MYO18B: variants seen among roughly 807,000 people sequenced by gnomAD.
MYO18B encodes unconventional myosin-XVIIIb.
MYO18B carries 204 observed loss-of-function variants against 273.0 expected under a neutral mutation model. The ratio of observed to expected loss-of-function variants is 0.75; its 90% CI spans 0.67 to 0.84. The LOEUF (loss-of-function observed/expected upper bound fraction) is 0.84, where lower values mean the gene tolerates loss of function less well. Among genes scored for constraint, MYO18B ranks in the 40% least tolerant of loss-of-function variants. The pLI is 0.00. For synonymous variants in MYO18B, 1,330 were observed against 1,305.7 expected, an observed-to-expected ratio of 1.02 and a Z score of -0.40; for missense variants, 3,212 against 3,287.6, an observed-to-expected ratio of 0.98 and a Z score of 0.56.
chr22:25,985,653 G>T (rs2093194160), intron 39 of MYO18B, among the ~76,000 whole-genome samples: 1 of 126,570 alleles, frequency 7.9e-6, no homozygotes, highest in African/African-American at 2.9e-5. Flanking sequence ...TTTTTGAGAT[G>T]GAGTCTCGCT....
chr22:25,770,823 C>T (rs773356067), intron 5 of MYO18B, 49 bp from the exon 6 acceptor site: 6 of 1,370,922 alleles, frequency 4.4e-6, no homozygotes, highest in Non-Finnish European at 6.1e-6. Flanking sequence ...CCCCTCTTCC[C>T]CTCCCATCTC....
chr22:25,956,404 C>T (rs1352760683), intron 39 of MYO18B, among the ~76,000 whole-genome samples: 1 of 152,054 alleles, frequency 6.6e-6, no homozygotes, highest in Non-Finnish European at 1.5e-5. Flanking sequence ...TTAGTAGAGA[C>T]AGGGTTTCAC....
intron 3 of MYO18B, among the ~76,000 whole-genome samples, chr22:25,766,085 G>A (rs1207066039): frequency 3.9e-5 from 6 of 151,998 alleles, no homozygotes. Context: ...AAGGAGTTAA[G>A]GTTTTTAAAA....
chr22:26,050,627 G>C, the MYO18B span, among the ~76,000 whole-genome samples: 5 of 152,130 alleles, frequency 3.3e-5, no homozygotes, highest in South Asian at 2.1e-4. Flanking sequence ...AAGTCAGAAG[G>C]ACAACACAGC....
chr22:25,842,984 C>T (rs1034524098), intron 17 of MYO18B, among the ~76,000 whole-genome samples: 12 of 152,194 alleles, frequency 7.9e-5, no homozygotes, highest in Admixed American at 3.3e-4. Flanking sequence ...ATTATGTGCC[C>T]GGACACTATA....
chr22:25,781,179 T>G (rs140770141), intron 9 of MYO18B, among the ~76,000 whole-genome samples: 2 of 152,370 alleles, frequency 1.3e-5, no homozygotes, highest in Non-Finnish European at 2.9e-5. Flanking sequence ...TTATTACCTT[T>G]GATACCTTAA....
At chr22:25,965,970 G>T (rs2092973469) in intron 39 of MYO18B, among the ~76,000 whole-genome samples, 1 of 152,176 alleles carries the variant, frequency 6.6e-6, no homozygotes, top group Non-Finnish European at 1.5e-5. Flanking sequence ...ATCGCTCACT[G>T]ACTGTCTTTT....
intron 21 of MYO18B, among the ~76,000 whole-genome samples, chr22:25,863,702 G>A (rs535717719): frequency 9.9e-5 from 15 of 152,224 alleles, no homozygotes; most frequent in Non-Finnish European, 1.5e-4. Context: ...GTTGGGAAAT[G>A]TACTCAGCAT....
rs10598069 is a variant in MYO18B, at chr22:25,787,272, GCACACACACACACACA to G, written c.2376+1804_2376+1819del. Among the ~76,000 whole-genome samples the G allele has an allele frequency of 5.0e-3, 680 of 136,708 alleles. 7 individuals carry two copies. The highest frequency in any genetic ancestry group is 0.014 in the African/African-American group (555 of 39,166). 89.7% of individuals were successfully genotyped at this position (136,708 alleles called of 152,430 possible). A position where few individuals can be genotyped will look rare whatever the true frequency, so the allele number is the denominator to read the frequency against. On this transcript the variant is annotated intron_variant, in intron 11 of 43. Transcript: ENST00000335473. ...TAAGCCTGTGTGCGTGCAGGCGCGCGCACACACACACACACACACACACACACACACACACACAGTC... is the reference window on the plus strand; with the variant it reads ...TAAGCCTGTGTGCGTGCAGGCGCGCGCACACACACACACACACACACAGTC...
intron 23 of MYO18B, among the ~76,000 whole-genome samples, chr22:25,875,297 C>G (rs1305925966): frequency 1.3e-5 from 2 of 152,220 alleles, no homozygotes; most frequent in Non-Finnish European, 2.9e-5. Flanking sequence ...GACTTTACCT[C>G]TCTGAACCTC....
chr22:25,865,374 G>A (rs1210891620), intron 21 of MYO18B, among the ~76,000 whole-genome samples: 3 of 152,220 alleles, frequency 2.0e-5, no homozygotes, highest in African/African-American at 4.8e-5. Flanking sequence ...AAAGCAAAGA[G>A]CTGGAAAAGG....
intron 12 of MYO18B, among the ~76,000 whole-genome samples, chr22:25,812,433 C>T (rs1481998498): frequency 6.6e-6 from 1 of 152,176 alleles, no homozygotes; most frequent in African/African-American, 2.4e-5. Context: ...GCTCCAAGCC[C>T]AGAGTACATT....
intron 32 of MYO18B, among the ~76,000 whole-genome samples, chr22:25,910,117 CA>C (rs2092126842): frequency 6.6e-6 from 1 of 152,082 alleles, no homozygotes; most frequent in African/African-American, 2.4e-5. Context: ...GAGCCAGTTG[CA>C]AATTAAATGA....
At chr22:26,023,778 C>T (rs946502904) in intron 42 of MYO18B, among the ~76,000 whole-genome samples, 8 of 152,180 alleles carry the variant, frequency 5.3e-5, no homozygotes, top group African/African-American at 1.9e-4. Flanking sequence ...TCTGCGGCAG[C>T]CCACTGCCCC....
chr22:25,922,440 G>A (rs1470690088), intron 34 of MYO18B, among the ~76,000 whole-genome samples: 1 of 152,176 alleles, frequency 6.6e-6, no homozygotes, highest in Non-Finnish European at 1.5e-5. Flanking sequence ...ATGTCCCAAA[G>A]CTGAATGATG....
At chr22:25,911,127 A>G in intron 33 of MYO18B, 77 bp downstream of exon 33, 1 of 1,051,148 alleles carries the variant, frequency 9.5e-7, no homozygotes, top group Non-Finnish European at 1.4e-6. Context: ...TGGAGAGAAC[A>G]GCCTGAGGGA....
intron 40 of MYO18B, among the ~76,000 whole-genome samples, chr22:25,995,335 C>T (rs1035235743): frequency 5.9e-5 from 9 of 152,052 alleles, no homozygotes; most frequent in Admixed American, 5.9e-4. Context: ...TATTTAATAG[C>T]ACAGCAGGAT....
At chr22:25,888,705 A>G (rs1237079101) in intron 25 of MYO18B, among the ~76,000 whole-genome samples, 1 of 152,206 alleles carries the variant, frequency 6.6e-6, no homozygotes, top group East Asian at 1.9e-4. Flanking sequence ...AATTAACTGG[A>G]GGTCCTGACT....
intron 34 of MYO18B, among the ~76,000 whole-genome samples, chr22:25,929,700 A>G (rs1015118378): frequency 1.3e-5 from 2 of 152,068 alleles, no homozygotes; most frequent in African/African-American, 2.4e-5. Context: ...CTTCCTTCTG[A>G]GAACAAAGCT....
Sources: gnomAD v4.1 joint callset for allele counts (sites outside exome capture counted in the v4.1 genomes callset) on GRCh38, gnomAD v4.1.1 for gene constraint, MANE v1.5 for transcripts, NCBI Gene and HGNC (gene_info 2026-07-23, HGNC 2026-07-21) for gene names.